The following LINGO2 variants were observed in gnomAD, a reference collection of about 807,000 sequenced individuals.
LINGO2 encodes leucine rich repeat and Ig domain containing 2.
A neutral mutation model predicts 30.6 loss-of-function variants in LINGO2; 14 were observed. The observed-to-expected ratio is 0.46, with a 90% CI of 0.30 to 0.72. LINGO2 has a LOEUF of 0.72. Among genes scored for constraint, LINGO2 ranks in the 30% least tolerant of loss-of-function variants. The pLI is 0.07. For missense variants in LINGO2, 729 were observed against 751.7 expected, an observed-to-expected ratio of 0.97 and a Z score of 0.35; for synonymous variants, 317 against 288.5, an observed-to-expected ratio of 1.10 and a Z score of -1.00.
the LINGO2 span, among the ~76,000 whole-genome samples, chr9:28,927,298 T>G: frequency 6.6e-6 from 1 of 152,302 alleles, no homozygotes; most frequent in Admixed American, 6.5e-5. Flanking sequence ...CTCTATAGAC[T>G]TTTAAGTGTT....
At chr9:28,712,982 CAG>C in the LINGO2 span, among the ~76,000 whole-genome samples, 1 of 152,240 alleles carries the variant, frequency 6.6e-6, no homozygotes, top group East Asian at 1.9e-4. Context: ...TCTCCTGCCT[CAG>C]CCTCCTGAGT....
At chr9:28,094,603 T>A (rs2133282294) in intron 4 of LINGO2, among the ~76,000 whole-genome samples, 1 of 152,218 alleles carries the variant, frequency 6.6e-6, no homozygotes, top group South Asian at 2.1e-4. Flanking sequence ...GTTCTTTTGA[T>A]AATATTACAA....
At chr9:27,949,780 G>A (rs554678962) in exon 6 of LINGO2, 21 of 1,614,002 alleles carry the variant, frequency 1.3e-5, no homozygotes, top group East Asian at 4.5e-5. Flanking sequence ...TCCTGAAGGC[G>A]GATCAGGTCA....
chr9:28,568,605 CT>C (rs1346926112), intron 1 of LINGO2, among the ~76,000 whole-genome samples: 4 of 151,890 alleles, frequency 2.6e-5, no homozygotes, highest in Non-Finnish European at 5.9e-5. Flanking sequence ...AGAAAAAAGA[CT>C]TGTCACATAT....
the LINGO2 span, among the ~76,000 whole-genome samples, chr9:29,191,959 C>T: frequency 6.6e-6 from 1 of 151,518 alleles, no homozygotes; most frequent in African/African-American, 2.4e-5. Flanking sequence ...GTAAGTATCT[C>T]CAGGTAATTT....
intron 4 of LINGO2, among the ~76,000 whole-genome samples, chr9:28,197,892 CATTAT>C (rs1357257116): frequency 6.6e-6 from 1 of 151,748 alleles, no homozygotes; most frequent in East Asian, 1.9e-4. Context: ...CATCCTTACT[CATTAT>C]AAGAGAAATG....
intron 4 of LINGO2, among the ~76,000 whole-genome samples, chr9:28,137,485 G>C (rs1827551596): frequency 6.6e-6 from 1 of 152,026 alleles, no homozygotes; most frequent in Admixed American, 6.6e-5. Context: ...TATTGTTCTT[G>C]CGTCCTTCAC....
At chr9:28,575,972 GGACA>G (rs1289619593) in intron 1 of LINGO2, among the ~76,000 whole-genome samples, 1 of 148,782 alleles carries the variant, frequency 6.7e-6, no homozygotes, top group Non-Finnish European at 1.5e-5. Flanking sequence ...CCCCACACAG[GGACA>G]GACATAGACA....
the LINGO2 span, among the ~76,000 whole-genome samples, chr9:29,026,045 T>A: frequency 6.6e-6 from 1 of 152,142 alleles, no homozygotes; most frequent in Non-Finnish European, 1.5e-5. Flanking sequence ...TTCTTTTCTT[T>A]TTTTTGGAGA....
chr9:28,599,991 A>G (rs145506590), intron 1 of LINGO2, among the ~76,000 whole-genome samples: 2,577 of 152,238 alleles, frequency 0.017, 39 homozygotes, highest in Non-Finnish European at 0.025. Flanking sequence ...TTTATTTACA[A>G]TAAATTAAAT....
At chr9:28,387,846 C>A (rs1821656462) in intron 2 of LINGO2, among the ~76,000 whole-genome samples, 1 of 152,164 alleles carries the variant, frequency 6.6e-6, no homozygotes, top group Non-Finnish European at 1.5e-5. Context: ...ACCACGAACC[C>A]ACCAGAAGGA....
chr9:28,199,343 T>TCCTCCTCCTCCTC (rs1820134629), intron 4 of LINGO2, among the ~76,000 whole-genome samples: 1 of 128,802 alleles, frequency 7.8e-6, no homozygotes, highest in African/African-American at 2.7e-5. Flanking sequence ...TTCTTCTTCT[T>TCCTCCTCCTCCTC]CTTTTTTTTT....
intron 2 of LINGO2, among the ~76,000 whole-genome samples, chr9:28,444,583 C>T (rs1018617990): frequency 1.3e-5 from 2 of 152,230 alleles, no homozygotes; most frequent in Non-Finnish European, 2.9e-5. Flanking sequence ...CTGTGACAGG[C>T]TGTATGTAAC....
chr9:29,061,270 C>A, the LINGO2 span, among the ~76,000 whole-genome samples: 2 of 151,994 alleles, frequency 1.3e-5, no homozygotes, highest in Non-Finnish European at 2.9e-5. Flanking sequence ...CAATACTATC[C>A]AAAGCAATCT....
chr9:28,888,336 G>A, the LINGO2 span, among the ~76,000 whole-genome samples: 129,500 of 152,044 alleles, frequency 0.85, 55,329 homozygotes, highest in Non-Finnish European at 0.89. Flanking sequence ...CAATGCTGAT[G>A]CTAAATGTGG....
intron 1 of LINGO2, among the ~76,000 whole-genome samples, chr9:28,501,796 T>C (rs985428719): frequency 1.3e-5 from 2 of 152,148 alleles, no homozygotes; most frequent in African/African-American, 4.8e-5. Flanking sequence ...AGATTTATTG[T>C]CCATTTTTCC....
intron 1 of LINGO2, among the ~76,000 whole-genome samples, chr9:28,595,801 A>G (rs1354855432): frequency 6.6e-6 from 1 of 152,142 alleles, no homozygotes; most frequent in East Asian, 1.9e-4. Flanking sequence ...GTATTGTCAC[A>G]TTGCCTGTGC....
chr9:28,118,308 CCTGT>C (rs989921994), intron 4 of LINGO2, among the ~76,000 whole-genome samples: 4 of 152,016 alleles, frequency 2.6e-5, no homozygotes, highest in African/African-American at 9.7e-5. Context: ...GAAAACACTG[CCTGT>C]CTTACTTCTA....
In LINGO2 at chr9:28,026,993, G is replaced by T. The variant is rs141553656; in HGVS notation, c.-86-14588C>A. Among the ~76,000 whole-genome samples, 295 of 152,162 alleles carry T rather than the reference G, an allele frequency of 1.9e-3. 2 individuals carry two copies. Among genetic ancestry groups the T allele is most frequent in the Middle Eastern group, 0.014 (4 of 294 alleles). On this transcript the variant is annotated intron_variant, in intron 4 of 5. Transcript: ENST00000379992. Reference sequence around the variant, plus strand: ...TCATAGCTTATTGTAGTTATCTAATGGTCCATCTTTCCTGACAGGCTGCCA... The same window carrying T: ...TCATAGCTTATTGTAGTTATCTAATTGTCCATCTTTCCTGACAGGCTGCCA...
Sources: allele counts gnomAD v4.1 joint callset (sites outside exome capture counted in the v4.1 genomes callset), GRCh38; gene constraint gnomAD v4.1.1; transcripts MANE v1.5; gene names NCBI Gene and HGNC (gene_info 2026-07-23, HGNC 2026-07-21).